Variants in SFMBT2 observed in about 807,000 individuals in gnomAD.
The protein encoded by SFMBT2 is Scm like with four mbt domains 2.
In SFMBT2, 38 loss-of-function variants were observed where a neutral mutation model predicts 110.1. The ratio of observed to expected loss-of-function variants is 0.35; its 90% CI spans 0.27 to 0.45. The LOEUF is 0.45. SFMBT2 is among the 20% of genes least tolerant of loss of function. The pLI is 1.00. For missense variants in SFMBT2, 1,011 were observed against 1,094.9 expected (o/e 0.92, Z 1.08); for synonymous variants, 425 against 425.4 (o/e 1.00, Z 0.01).
Position 7,257,879 on chromosome 10 carries a change from T to C in SFMBT2, c.871-9230A>G, listed in dbSNP as rs1841078141. On this transcript the variant is annotated intron_variant, in intron 7 of 20. Coordinates refer to ENST00000397167, the MANE Select transcript of SFMBT2 (RefSeq NM_001387889.1). ...TAATACAACAAAATTAAAATGTACT[T>C]GGTGAGGATTTTCATGTAAAAACAA... Among the ~76,000 whole-genome samples the C allele has an allele frequency of 3.9e-5, 6 of 152,182 alleles. No homozygotes were observed. The South Asian group carries it at 1.2e-3, about 32-fold the overall frequency.
At chr10:7,382,052 C>A (rs1039732764) in intron 1 of SFMBT2, 103 bp from the exon 2 acceptor site, 1 of 542,136 alleles carries the variant, frequency 1.8e-6, no homozygotes, top group Non-Finnish European at 3.1e-6. Flanking sequence ...GTGCCACTAC[C>A]ATTTCATTAT....
chr10:7,183,225 G>A (rs1838294204), intron 16 of SFMBT2, among the ~76,000 whole-genome samples: 1 of 152,202 alleles, frequency 6.6e-6, no homozygotes, highest in African/African-American at 2.4e-5. Flanking sequence ...GGTCCAGGAA[G>A]GAGAGCTTTC....
chr10:7,283,763 T>C (rs117706058), intron 6 of SFMBT2, 141 bp downstream of exon 6: 13,086 of 702,302 alleles, frequency 0.019, 196 homozygotes, highest in South Asian at 0.05. Flanking sequence ...ATGGAAAGCA[T>C]TGTGAAGTTA....
rs1207016545 is a variant in SFMBT2 at position 7,164,054 on chromosome 10, C to A, written c.2545-144G>T. The A allele has an allele frequency of 5.1e-6, 7 of 1,380,390 alleles. No homozygotes were observed. In the East Asian group the frequency reaches 2.0e-4, roughly 39 times the overall value. 85.5% of individuals were successfully genotyped at this position (1,380,390 alleles called of 1,614,324 possible). Reference sequence around the variant, plus strand: ...ATTCAGGGGATTGTTGGTAGAGATACCAGCCCGGCTTGATGACTGTCTAAT... The same window carrying A: ...ATTCAGGGGATTGTTGGTAGAGATAACAGCCCGGCTTGATGACTGTCTAAT... On this transcript the variant is annotated intron_variant, in intron 20 of 20. Coordinates refer to ENST00000397167, the MANE Select transcript of SFMBT2 (RefSeq NM_001387889.1).
intron 8 of SFMBT2, among the ~76,000 whole-genome samples, chr10:7,246,574 C>T (rs1840619330): frequency 6.6e-6 from 1 of 151,832 alleles, no homozygotes; most frequent in Non-Finnish European, 1.5e-5. Context: ...CAAAATTTAG[C>T]CAGGCGTGGT....
intron 12 of SFMBT2, chr10:7,203,019 A>G (rs17423638): frequency 0.023 from 22,917 of 985,452 alleles, 291 homozygotes; most frequent in Admixed American, 0.036. Flanking sequence ...AAATATTGAC[A>G]TAAATGAGCA....
At chr10:7,214,761 T>C (rs1839476923) in intron 11 of SFMBT2, 3 of 985,312 alleles carry the variant, frequency 3.0e-6, no homozygotes, top group South Asian at 9.4e-5. Flanking sequence ...GCTTGATACC[T>C]GTAGGGTGTG....
At chr10:7,336,409 G>A (rs1843718143) in intron 4 of SFMBT2, among the ~76,000 whole-genome samples, 2 of 152,150 alleles carry the variant, frequency 1.3e-5, no homozygotes, top group South Asian at 4.1e-4. Context: ...GGCAACTTTT[G>A]GAGAATGTTT....
chr10:7,249,039 T>G, intron 7 of SFMBT2: 1 of 906,874 alleles, frequency 1.1e-6, no homozygotes, highest in Non-Finnish European at 1.3e-6. Flanking sequence ...ATCTCAGGGC[T>G]TCAGTCAGCA....
intron 8 of SFMBT2, among the ~76,000 whole-genome samples, chr10:7,247,392 C>T (rs1354652339): frequency 6.6e-6 from 1 of 152,102 alleles, no homozygotes; most frequent in African/African-American, 2.4e-5. Context: ...GCCAGGATTA[C>T]AGGCATGAGT....
intron 7 of SFMBT2, among the ~76,000 whole-genome samples, chr10:7,251,137 A>C (rs1840792878): frequency 6.6e-6 from 1 of 151,572 alleles, no homozygotes; most frequent in African/African-American, 2.4e-5. Flanking sequence ...AAGTATGTAC[A>C]TCTATTATGT....
intron 9 of SFMBT2, among the ~76,000 whole-genome samples, chr10:7,237,466 G>A (rs913085228): frequency 1.2e-4 from 18 of 152,128 alleles, no homozygotes; most frequent in African/African-American, 3.1e-4. Context: ...TTAATTTGAC[G>A]GTAATAAAAA....
intron 10 of SFMBT2, among the ~76,000 whole-genome samples, chr10:7,223,484 A>C (rs1174047643): frequency 1.3e-5 from 2 of 152,130 alleles, no homozygotes; most frequent in Non-Finnish European, 2.9e-5. Flanking sequence ...TCAATTCTAC[A>C]TAATAATTGT....
intron 11 of SFMBT2, chr10:7,214,822 T>A (rs576292487): frequency 1.1e-6 from 1 of 908,150 alleles, no homozygotes; most frequent in African/African-American, 1.8e-5. Flanking sequence ...AAACACTAAC[T>A]GCAGATTCCA....
At chr10:7,377,496 G>A (rs1845271819) in intron 2 of SFMBT2, among the ~76,000 whole-genome samples, 1 of 152,158 alleles carries the variant, frequency 6.6e-6, no homozygotes, top group African/African-American at 2.4e-5. Flanking sequence ...AAATAATACT[G>A]TAACTCACCA....
chr10:7,378,828 G>C (rs1845346331), intron 2 of SFMBT2, among the ~76,000 whole-genome samples: 1 of 151,598 alleles, frequency 6.6e-6, no homozygotes, highest in East Asian at 1.9e-4. Flanking sequence ...GTGGGTGTGA[G>C]TGTATGGATG....
chr10:7,277,048 C>A (rs1841803416), intron 6 of SFMBT2, 59 bp from the exon 7 acceptor site: 3 of 809,874 alleles, frequency 3.7e-6, no homozygotes, highest in African/African-American at 1.7e-5. Flanking sequence ...CCGGGTGACT[C>A]TTTCCTGCAT....
Position 7,197,650 on chromosome 10 carries a change from G to A in SFMBT2, c.1596C>T (p.Phe532=), listed in dbSNP as rs1838820625. 1.2e-6 allele frequency: 2 copies of A among 1,614,186 alleles called. No individual in the cohort carries two copies. Among genetic ancestry groups the A allele is most frequent in the South Asian group, 2.2e-5 (2 of 91,084 alleles). ...GGCCTGAGAAACACCTGTGGTTGAT[G>A]AAGAGCTGAGGACAGCAGTATTTCC... The part of the protein sequence containing the change: ...VNGKYCCPQL[F]INHRCFSGPY... The change falls in exon 15 of 21, where the codon TTC becomes TTT. Residue 532 remains phenylalanine, a synonymous_variant. Transcript: ENST00000397167.
At chr10:7,376,712 A>AAT in intron 2 of SFMBT2, among the ~76,000 whole-genome samples, 1 of 146,470 alleles carries the variant, frequency 6.8e-6, no homozygotes, top group Non-Finnish European at 1.5e-5. Flanking sequence ...AAAAAAAAAA[A>AAT]AAAAGGCCCT....
Sources: gnomAD v4.1 joint callset for allele counts (sites outside exome capture counted in the v4.1 genomes callset) on GRCh38, gnomAD v4.1.1 for gene constraint, MANE v1.5 for transcripts, NCBI Gene and HGNC (gene_info 2026-07-23, HGNC 2026-07-21) for gene names.